Variants in HMCN1 observed in about 807,000 individuals in gnomAD.
The protein encoded by HMCN1 is hemicentin 1, also known as hemicentin-1.
Under a neutral mutation model 625.9 loss-of-function variants are expected in HMCN1, and 321 were observed. That is an observed-to-expected ratio of 0.51 (90% confidence interval 0.47 to 0.56). The LOEUF is 0.56. Ranked by LOEUF, HMCN1 falls within the 20% of genes least tolerant of loss-of-function variation. The pLI, the probability that HMCN1 is intolerant of heterozygous loss-of-function variation, is 0.00. For missense variants in HMCN1, 6,588 were observed against 6,887.3 expected (o/e 0.96, Z 1.54); for synonymous variants, 2,425 against 2,417.6 (o/e 1.00, Z -0.09).
At chr1:186,085,988 A>G (rs1349953374) in intron 57 of HMCN1, among the ~76,000 whole-genome samples, 1 of 152,198 alleles carries the variant, frequency 6.6e-6, no homozygotes, top group Admixed American at 6.5e-5. Flanking sequence ...CGTCTTAGGA[A>G]TTGTCGACTA....
intron 105 of HMCN1, among the ~76,000 whole-genome samples, chr1:186,186,279 G>C (rs918345889): frequency 6.6e-6 from 1 of 152,094 alleles, no homozygotes; most frequent in Non-Finnish European, 1.5e-5. Context: ...AAAATAGAGA[G>C]CTAATGGGAG....
intron 6 of HMCN1, among the ~76,000 whole-genome samples, chr1:185,919,144 A>G (rs1197584086): frequency 6.6e-6 from 1 of 151,850 alleles, no homozygotes; most frequent in African/African-American, 2.4e-5. Context: ...AATTTGGAAG[A>G]GAAGGGAAGG....
At chr1:186,024,934 T>G (rs1206894425) in intron 36 of HMCN1, among the ~76,000 whole-genome samples, 2 of 152,120 alleles carry the variant, frequency 1.3e-5, no homozygotes, top group African/African-American at 4.8e-5. Flanking sequence ...TCCATGACAT[T>G]TATTGTGCAC....
At chr1:186,163,642 A>G (rs1651676845) in intron 97 of HMCN1, among the ~76,000 whole-genome samples, 1 of 152,348 alleles carries the variant, frequency 6.6e-6, no homozygotes, top group South Asian at 2.1e-4. Context: ...TTCCTAGAAA[A>G]TTCACTATAT....
intron 22 of HMCN1, among the ~76,000 whole-genome samples, chr1:185,991,405 C>A (rs1029498543): frequency 6.6e-6 from 1 of 152,128 alleles, no homozygotes; most frequent in African/African-American, 2.4e-5. Context: ...TCCACAGTCG[C>A]AGTTTCTCCT....
chr1:186,166,040 T>C, intron 98 of HMCN1, 144 bp from the exon 99 acceptor site: 1 of 785,776 alleles, frequency 1.3e-6, no homozygotes, highest in Non-Finnish European at 2.1e-6. Context: ...TTCAGTGAAT[T>C]CATTTTGTGG....
intron 8 of HMCN1, among the ~76,000 whole-genome samples, chr1:185,924,323 C>T (rs113211780): frequency 0.01 from 1,522 of 149,730 alleles, 25 homozygotes; most frequent in African/African-American, 0.036. Context: ...CCCCGCCTCC[C>T]GGGTTCACGT....
chr1:186,102,180 G>T (rs754115761), intron 68 of HMCN1, among the ~76,000 whole-genome samples: 43 of 152,188 alleles, frequency 2.8e-4, no homozygotes, highest in Admixed American at 5.2e-4. Flanking sequence ...CTTTTAAGCA[G>T]AAAATCTTAG....
Position 186,144,010 on chromosome 1 carries a change from C to T in HMCN1, c.13925-163C>T, listed in dbSNP as rs138604808. The stretch of plus-strand genomic sequence containing the variant: ...ACACAAATTCCTCTGAAAATCTAAC[C>T]AGAAGGAGAAAGATCATCATTTGTT... On this transcript the variant is annotated intron_variant, in intron 89 of 106. Transcript: ENST00000271588. Among the ~76,000 whole-genome samples, 469 of 152,276 alleles carry T rather than the reference C, an allele frequency of 3.1e-3. 3 individuals are homozygous for T. The highest frequency in any genetic ancestry group is 0.011 in the African/African-American group (444 of 41,558).
intron 1 of HMCN1, among the ~76,000 whole-genome samples, chr1:185,750,415 T>C (rs1654722622): frequency 1.3e-5 from 2 of 152,226 alleles, no homozygotes; most frequent in Non-Finnish European, 2.9e-5. Context: ...AAAGTTATAT[T>C]AAATGTTCCC....
chr1:185,947,114 C>T (rs1014840845), intron 11 of HMCN1, among the ~76,000 whole-genome samples: 12 of 152,078 alleles, frequency 7.9e-5, no homozygotes, highest in Admixed American at 3.3e-4. Flanking sequence ...ATAGATTTTG[C>T]GTAGTTCTTT....
intron 11 of HMCN1, among the ~76,000 whole-genome samples, chr1:185,940,398 T>A (rs1321705336): frequency 6.6e-6 from 1 of 152,218 alleles, no homozygotes; most frequent in Admixed American, 6.5e-5. Flanking sequence ...AGTTTTCTTC[T>A]CCCATGAATA....
intron 97 of HMCN1, among the ~76,000 whole-genome samples, chr1:186,163,013 G>C (rs529837060): frequency 1.3e-5 from 2 of 152,350 alleles, no homozygotes; most frequent in East Asian, 1.9e-4. Flanking sequence ...CCCAGAGGTG[G>C]AGCCTACAGA....
At chr1:185,835,982 TAA>T (rs1400365404) in intron 1 of HMCN1, among the ~76,000 whole-genome samples, 1 of 152,146 alleles carries the variant, frequency 6.6e-6, no homozygotes, top group Admixed American at 6.5e-5. Context: ...CTTGTGCACT[TAA>T]AAGAGACGAA....
At chr1:185,962,951 T>C (rs191733638) in intron 12 of HMCN1, among the ~76,000 whole-genome samples, 1 of 152,218 alleles carries the variant, frequency 6.6e-6, no homozygotes, top group East Asian at 1.9e-4. Context: ...GAAACGAGGG[T>C]AATAAATTTT....
At position 186,178,602 on chromosome 1, in the gene HMCN1, C is replaced by T. The variant is rs1652745543; in HGVS notation, c.16130C>T (p.Pro5377Leu). ...AGCTATAACCTTGCACGGTTCTCCC[C>T]TGTGAGAAACAACTATCAACCTCAA... The part of the protein sequence containing the change: ...YSSYNLARFS[P>L]VRNNYQPQQH... The change falls in exon 104 of 107, where the codon CCT (proline) becomes CTT (leucine). Residue 5377 changes from proline (P) to leucine (L), a missense_variant. Pro to Leu is a moderately conservative substitution (Grantham distance 98). Transcript: ENST00000271588. 6.2e-6 allele frequency: 10 copies of T among 1,614,010 alleles called. No homozygotes were observed. The highest frequency in any genetic ancestry group is 8.5e-6 in the Non-Finnish European group (10 of 1,180,004).
intron 1 of HMCN1, among the ~76,000 whole-genome samples, chr1:185,845,494 T>A (rs1661757879): frequency 6.6e-6 from 1 of 152,198 alleles, no homozygotes; most frequent in Non-Finnish European, 1.5e-5. Context: ...GTGCTGAGAT[T>A]ACAGGCGTGA....
Position 185,823,249 on chromosome 1 carries a change from G to A in HMCN1, c.269-22777G>A, listed in dbSNP as rs959594823. Among the ~76,000 whole-genome samples, 11 of 151,982 alleles carry A rather than the reference G, an allele frequency of 7.2e-5. No individual in the cohort carries two copies. In the East Asian group the frequency reaches 9.6e-4, roughly 13 times the overall value. ...TGTGATAATTTCTCCAGAGCAATGC[G>A]TTCTTGAGAAAGATCATTTTCTGGA... On this transcript the variant is annotated intron_variant, in intron 1 of 106. Coordinates refer to ENST00000271588, the MANE Select transcript of HMCN1 (RefSeq NM_031935.3).
chr1:185,799,075 G>T (rs1171924171), intron 1 of HMCN1, among the ~76,000 whole-genome samples: 1 of 151,788 alleles, frequency 6.6e-6, no homozygotes, highest in African/African-American at 2.4e-5. Context: ...AATATATGTT[G>T]TTTAGGGTCT....
Sources: gnomAD v4.1 joint callset for allele counts (sites outside exome capture counted in the v4.1 genomes callset) on GRCh38, gnomAD v4.1.1 for gene constraint, MANE v1.5 for transcripts, NCBI Gene and HGNC (gene_info 2026-07-23, HGNC 2026-07-21) for gene names.